TRIQK: variants seen among roughly 807,000 people sequenced by gnomAD.
TRIQK encodes the protein triple QxxK/R motif-containing protein.
Under a neutral mutation model 10.8 loss-of-function variants are expected in TRIQK, and 10 were observed. That is an observed-to-expected ratio of 0.92 (90% CI 0.57 to 1.57). TRIQK has a LOEUF of 1.57. Among genes scored for constraint, TRIQK ranks in the 40% most tolerant of loss-of-function variants. The pLI is 0.00. For missense variants in TRIQK, 107 were observed against 97.7 expected, an observed-to-expected ratio of 1.09 and a Z score of -0.40; for synonymous variants, 33 against 33.7, an observed-to-expected ratio of 0.98 and a Z score of 0.07.
At chr8:93,017,608 CCAG>C (rs1307851540) in exon 1 of TRIQK, 1 of 152,220 alleles carries the variant, frequency 6.6e-6, no homozygotes, top group Non-Finnish European at 1.5e-5. Flanking sequence ...CCCAAACTCA[CCAG>C]CAGGATAAAA....
intron 2 of TRIQK, among the ~76,000 whole-genome samples, chr8:92,930,130 C>A (rs1459237676): frequency 6.6e-6 from 1 of 151,654 alleles, no homozygotes; most frequent in Non-Finnish European, 1.5e-5. Context: ...GTAATCCCAG[C>A]ACTTTGGGAG....
intron 3 of TRIQK, among the ~76,000 whole-genome samples, chr8:92,898,974 T>A (rs1205982588): frequency 1.3e-5 from 2 of 149,594 alleles, no homozygotes; most frequent in Non-Finnish European, 3.0e-5. Context: ...CCTTTCTTTG[T>A]GTTGCAAACA....
intron 3 of TRIQK, among the ~76,000 whole-genome samples, chr8:92,893,042 C>T (rs1206318658): frequency 6.6e-6 from 1 of 151,906 alleles, no homozygotes; most frequent in Non-Finnish European, 1.5e-5. Flanking sequence ...TTTTCCCCTT[C>T]CTTTCGATGA....
At chr8:92,985,878 A>G (rs1360166444) in intron 1 of TRIQK, among the ~76,000 whole-genome samples, 6 of 152,170 alleles carry the variant, frequency 3.9e-5, no homozygotes, top group African/African-American at 1.4e-4. Flanking sequence ...GTAAGAATCC[A>G]ATATTGTCAC....
At chr8:92,890,262 T>G (rs1445537922) in intron 4 of TRIQK, among the ~76,000 whole-genome samples, 1 of 151,768 alleles carries the variant, frequency 6.6e-6, no homozygotes, top group East Asian at 1.9e-4. Context: ...TTTCATATCA[T>G]CTTAATAGGC....
chr8:92,905,113 T>G (rs1439358984), intron 3 of TRIQK, among the ~76,000 whole-genome samples: 1 of 151,998 alleles, frequency 6.6e-6, no homozygotes, highest in Non-Finnish European at 1.5e-5. Flanking sequence ...CAGACACGTC[T>G]AAAAATATTC....
intron 2 of TRIQK, among the ~76,000 whole-genome samples, chr8:92,934,558 G>A (rs868195066): frequency 6.6e-6 from 1 of 151,800 alleles, no homozygotes; most frequent in African/African-American, 2.4e-5. Context: ...AATGCTGTAT[G>A]ACTTATTTAA....
intron 2 of TRIQK, among the ~76,000 whole-genome samples, chr8:92,917,865 A>G (rs866617646): frequency 6.6e-6 from 1 of 151,858 alleles, no homozygotes; most frequent in Non-Finnish European, 1.5e-5. Context: ...CCCTTAACCA[A>G]CTTCTCTACC....
At chr8:92,995,359 GT>G (rs1446934486) in intron 1 of TRIQK, among the ~76,000 whole-genome samples, 1 of 151,620 alleles carries the variant, frequency 6.6e-6, no homozygotes, top group African/African-American at 2.4e-5. Flanking sequence ...TCTCTTTATT[GT>G]TAGATTTCAG....
At chr8:92,929,392 T>C (rs1198202658) in intron 2 of TRIQK, 1 of 152,180 alleles carries the variant, frequency 6.6e-6, no homozygotes, top group East Asian at 1.9e-4. Flanking sequence ...AGCACTTGTT[T>C]TTCCCAAAAC....
intron 2 of TRIQK, among the ~76,000 whole-genome samples, chr8:92,935,811 C>T (rs867991291): frequency 8.6e-5 from 13 of 151,182 alleles, no homozygotes; most frequent in Admixed American, 7.3e-4. Flanking sequence ...TTAAAAATGC[C>T]ATATCAATAA....
rs186669731 is a variant in TRIQK at position 92,956,888 on chromosome 8, T to C, written c.-180-2324A>G. On this transcript the variant is annotated intron_variant, in intron 1 of 4. Coordinates refer to ENST00000521988, the MANE Select transcript of TRIQK (RefSeq NM_001171797.2). ...TTGTTGGGAGCCTTATTAATGATGA[T>C]TGTTAATATTAGTAATAATAGCAGC... 2.6e-5 allele frequency among the ~76,000 whole-genome samples: 4 copies of C among 152,014 alleles called. No homozygotes were observed. In the East Asian group the frequency reaches 7.7e-4, roughly 29 times the overall value.
rs1055753338 is a variant in TRIQK at position 92,884,965 on chromosome 8, T to C, written c.*1657A>G. On this transcript the variant is annotated 3_prime_UTR_variant, in exon 5 of 5. Coordinates refer to ENST00000521988, the MANE Select transcript of TRIQK (RefSeq NM_001171797.2). Reference sequence around the variant, plus strand: ...TTGCCACCCACTTGACGAACAGACATACCACATGGCATTAAATGCTGCAAC... The same window carrying C: ...TTGCCACCCACTTGACGAACAGACACACCACATGGCATTAAATGCTGCAAC... 6.6e-6 allele frequency: 3 copies of C among 456,156 alleles called. No homozygotes were observed. Among genetic ancestry groups the C allele is most frequent in the South Asian group, 4.6e-5 (3 of 64,554 alleles). The allele number at this position is 456,156 out of a possible 1,614,324, so 28.3% of individuals were successfully genotyped here.
chr8:93,005,523 C>T (rs6471356), intron 1 of TRIQK, among the ~76,000 whole-genome samples: 41,515 of 151,946 alleles, frequency 0.27, 6,517 homozygotes, highest in African/African-American at 0.43. Context: ...CACAAATCGA[C>T]GTGTGATAGA....
At chr8:92,945,208 C>T (rs532900572) in intron 2 of TRIQK, among the ~76,000 whole-genome samples, 47 of 152,216 alleles carry the variant, frequency 3.1e-4, no homozygotes, top group Admixed American at 1.2e-3. Context: ...CAGCACTGGC[C>T]ATTACCTTCA....
At chr8:93,008,280 C>A (rs1813294249) in intron 1 of TRIQK, among the ~76,000 whole-genome samples, 1 of 152,026 alleles carries the variant, frequency 6.6e-6, no homozygotes, top group East Asian at 1.9e-4. Context: ...CACATGTATC[C>A]TGGAACTTAA....
At chr8:92,920,743 A>G (rs921088941) in intron 2 of TRIQK, among the ~76,000 whole-genome samples, 2 of 151,826 alleles carry the variant, frequency 1.3e-5, no homozygotes, top group Non-Finnish European at 3.0e-5. Context: ...AACTGAGTAG[A>G]AATGGTAAGA....
At chr8:92,994,285 C>A (rs1813128528) in intron 1 of TRIQK, among the ~76,000 whole-genome samples, 1 of 152,042 alleles carries the variant, frequency 6.6e-6, no homozygotes, top group Non-Finnish European at 1.5e-5. Context: ...ATTCCACCTT[C>A]TATATTTATA....
intron 3 of TRIQK, among the ~76,000 whole-genome samples, chr8:92,905,640 T>G (rs1809214812): frequency 6.6e-6 from 1 of 152,164 alleles, no homozygotes; most frequent in Admixed American, 6.5e-5. Flanking sequence ...TTCCTAGAGT[T>G]GAGTAGAGCA....
Sources: allele counts gnomAD v4.1 joint callset (sites outside exome capture counted in the v4.1 genomes callset), GRCh38; gene constraint gnomAD v4.1.1; transcripts MANE v1.5; gene names NCBI Gene and HGNC (gene_info 2026-07-23, HGNC 2026-07-21).